KCNMA1: variants seen among roughly 807,000 people sequenced by gnomAD.
The protein encoded by KCNMA1 is Calcium-activated potassium channel subunit alpha-1.
Under a neutral mutation model 140.0 loss-of-function variants are expected in KCNMA1, and 29 were observed. That is an observed-to-expected ratio of 0.21 (90% confidence interval 0.15 to 0.28). KCNMA1 has a LOEUF of 0.28. Ranked by LOEUF, KCNMA1 falls within the 10% of genes least tolerant of loss-of-function variation. The probability of loss-of-function intolerance (pLI) is 1.00; values close to 1 mark genes in which losing one functional copy is unlikely to be tolerated. For synonymous variants in KCNMA1, 612 were observed against 611.9 expected, an observed-to-expected ratio of 1.00 and a Z score of 0.00; for missense variants, 880 against 1,602.2, an observed-to-expected ratio of 0.55 and a Z score of 7.70.
chr10:77,208,951 G>A (rs952720194), intron 3 of KCNMA1, among the ~76,000 whole-genome samples: 5 of 152,180 alleles, frequency 3.3e-5, no homozygotes, highest in Admixed American at 2.0e-4. Flanking sequence ...TGGTTATGCA[G>A]TACTTGGCCA....
rs200432449 is a variant in KCNMA1 at position 77,090,468 on chromosome 10, G to A, written c.1266C>T (p.Ser422=). ...VCGHITLESV[S]NFLKDFLHKD... is the part of the protein sequence containing the mutation. ...TGTGCAGAAAGTCCTTCAGGAAGTT[G>A]GAAACACTCTCCAGAGTGATGTGTC... Residue 422 remains serine (S), a synonymous_variant, in exon 10 of 28, where the codon TCC becomes TCT. Coordinates refer to ENST00000286628, the MANE Select transcript of KCNMA1 (RefSeq NM_001161352.2). 1.2e-5 allele frequency: 20 copies of A among 1,613,982 alleles called. No individual in the cohort carries two copies. Among genetic ancestry groups the A allele is most frequent in the Non-Finnish European group, 1.7e-5 (20 of 1,179,962 alleles).
chr10:77,343,581 C>T (rs895237494), intron 2 of KCNMA1, among the ~76,000 whole-genome samples: 37 of 152,262 alleles, frequency 2.4e-4, no homozygotes, highest in African/African-American at 8.9e-4. Flanking sequence ...CCAGATACTG[C>T]TGTAGGCACT....
At chr10:77,490,427 C>G (rs967379699) in intron 1 of KCNMA1, among the ~76,000 whole-genome samples, 7 of 152,156 alleles carry the variant, frequency 4.6e-5, no homozygotes, top group African/African-American at 1.4e-4. Context: ...TTACAGACAG[C>G]AATGACTTAA....
At chr10:76,883,950 A>G (rs1006489395), downstream of KCNMA1, 2 of 951,424 alleles carry the variant, frequency 2.1e-6, no homozygotes, top group African/African-American at 1.8e-5. Flanking sequence ...CCATCATCAA[A>G]TTTATCATTA....
At chr10:76,896,447 T>A (rs1018459725) in intron 25 of KCNMA1, among the ~76,000 whole-genome samples, 1 of 152,120 alleles carries the variant, frequency 6.6e-6, no homozygotes, top group Non-Finnish European at 1.5e-5. Context: ...TAGAAAAAAT[T>A]TGTGCAGTTA....
intron 1 of KCNMA1, among the ~76,000 whole-genome samples, chr10:77,404,745 T>C (rs942275046): frequency 2.0e-5 from 3 of 152,144 alleles, no homozygotes; most frequent in South Asian, 4.1e-4. Flanking sequence ...TCAGTCTATG[T>C]AGTTCAAAGG....
Position 76,909,689 on chromosome 10 carries a change from C to T in KCNMA1, c.3147+277G>A, listed in dbSNP as rs80033559. Among the ~76,000 whole-genome samples, 740 of 152,298 alleles carry T rather than the reference C, an allele frequency of 4.9e-3. No homozygotes were observed. The highest frequency in any genetic ancestry group is 0.017 in the African/African-American group (688 of 41,570). The stretch of plus-strand genomic sequence containing the variant: ...AAATTTTAGCATAAAATGTACAACT[C>T]CCTTGGGGAATTTTTCTGGGATCCC... On this transcript the variant is annotated intron_variant, in intron 25 of 27. Transcript: ENST00000286628.
chr10:77,047,721 A>G (rs2095152469), intron 14 of KCNMA1, among the ~76,000 whole-genome samples: 1 of 152,066 alleles, frequency 6.6e-6, no homozygotes, highest in Non-Finnish European at 1.5e-5. Context: ...TCAGAGAGGA[A>G]TTTGGTTTTG....
chr10:77,552,679 T>C (rs816867), intron 1 of KCNMA1, among the ~76,000 whole-genome samples: 93,204 of 152,090 alleles, frequency 0.61, 29,483 homozygotes, highest in East Asian at 0.81. Context: ...ATGATCTTCT[T>C]TTCTTGTGAA....
At chr10:77,157,693 T>C (rs2098504501) in intron 5 of KCNMA1, among the ~76,000 whole-genome samples, 1 of 152,148 alleles carries the variant, frequency 6.6e-6, no homozygotes. Context: ...TGGGATGCAA[T>C]ATCTCAGCCA....
At chr10:77,504,848 C>A (rs1268162370) in intron 1 of KCNMA1, among the ~76,000 whole-genome samples, 1 of 152,080 alleles carries the variant, frequency 6.6e-6, no homozygotes, top group Non-Finnish European at 1.5e-5. Context: ...TGATTGAATA[C>A]AAAATAATAT....
chr10:77,573,044 G>A (rs934071040), intron 1 of KCNMA1, among the ~76,000 whole-genome samples: 3 of 152,126 alleles, frequency 2.0e-5, no homozygotes, highest in Non-Finnish European at 4.4e-5. Context: ...CCATGAATTA[G>A]GTAAAAACAC....
At chr10:77,390,405 C>T (rs1187150809) in intron 2 of KCNMA1, among the ~76,000 whole-genome samples, 1 of 152,202 alleles carries the variant, frequency 6.6e-6, no homozygotes, top group African/African-American at 2.4e-5. Flanking sequence ...TGTTTTCTCT[C>T]TTTCTGATGA....
chr10:77,088,119 C>A (rs1171327921), intron 10 of KCNMA1, among the ~76,000 whole-genome samples: 1 of 152,120 alleles, frequency 6.6e-6, no homozygotes, highest in Non-Finnish European at 1.5e-5. Context: ...TGCCACCATG[C>A]CCGGCTAATT....
At chr10:77,079,698 A>G (rs1005060721) in intron 12 of KCNMA1, 148 bp from the exon 13 acceptor site, 3 of 689,520 alleles carry the variant, frequency 4.4e-6, no homozygotes, top group Non-Finnish European at 8.0e-6. Flanking sequence ...CAGATACCAG[A>G]CAAAATTGAA....
intron 2 of KCNMA1, among the ~76,000 whole-genome samples, chr10:77,381,170 AGT>A (rs2095369276): frequency 6.6e-6 from 1 of 152,218 alleles, no homozygotes; most frequent in Admixed American, 6.5e-5. Context: ...CCAGGAAATA[AGT>A]GTCAACCATA....
intron 1 of KCNMA1, among the ~76,000 whole-genome samples, chr10:77,511,110 C>G (rs1206539397): frequency 6.6e-6 from 1 of 152,200 alleles, no homozygotes; most frequent in Non-Finnish European, 1.5e-5. Context: ...ATTCATAGAG[C>G]ATGAGAATCA....
chr10:77,002,230 A>G (rs1277934624), intron 18 of KCNMA1, among the ~76,000 whole-genome samples: 1 of 152,198 alleles, frequency 6.6e-6, no homozygotes, highest in Non-Finnish European at 1.5e-5. Context: ...ACAAATATCC[A>G]AATCTGTCCA....
chr10:77,378,642 C>T (rs1263313490), intron 2 of KCNMA1, among the ~76,000 whole-genome samples: 1 of 152,178 alleles, frequency 6.6e-6, no homozygotes, highest in African/African-American at 2.4e-5. Flanking sequence ...CCTCAGCTTC[C>T]TCATTGTAAA....
Sources: allele counts gnomAD v4.1 joint callset (sites outside exome capture counted in the v4.1 genomes callset), GRCh38; gene constraint gnomAD v4.1.1; transcripts MANE v1.5; gene names NCBI Gene and HGNC (gene_info 2026-07-23, HGNC 2026-07-21).